The following MCC variants were observed in gnomAD, a reference collection of about 807,000 sequenced individuals.
MCC encodes MCC regulator of Wnt signaling pathway.
Under a neutral mutation model 116.2 loss-of-function variants are expected in MCC, and 90 were observed. The observed-to-expected ratio is 0.77, with a 90% CI of 0.65 to 0.92. The LOEUF (loss-of-function observed/expected upper bound fraction) is 0.92. Among genes scored for constraint, MCC ranks in the 40% least tolerant of loss-of-function variants. The probability of loss-of-function intolerance (pLI) is 0.00; values close to 1 mark genes in which losing one functional copy is unlikely to be tolerated. For missense variants in MCC, 1,516 were observed against 1,312.2 expected (o/e 1.16, Z -2.40); for synonymous variants, 578 against 510.5 (o/e 1.13, Z -1.78).
chr5:113,242,697 C>T (rs372254009), intron 3 of MCC, among the ~76,000 whole-genome samples: 11 of 152,042 alleles, frequency 7.2e-5, no homozygotes, highest in Non-Finnish European at 1.3e-4. Flanking sequence ...AGGAACATGA[C>T]CACACGGGGG....
At chr5:113,162,445 A>C (rs977714861) in intron 3 of MCC, among the ~76,000 whole-genome samples, 1 of 152,184 alleles carries the variant, frequency 6.6e-6, no homozygotes, top group African/African-American at 2.4e-5. Context: ...CAGGCAAATC[A>C]CTTAACCACA....
chr5:113,330,880 G>A (rs1767681588), intron 3 of MCC, among the ~76,000 whole-genome samples: 1 of 152,204 alleles, frequency 6.6e-6, no homozygotes, highest in South Asian at 2.1e-4. Flanking sequence ...TCAATTATTA[G>A]GAGAGTGATA....
chr5:113,158,174 T>C (rs1413239402), intron 3 of MCC, among the ~76,000 whole-genome samples: 1 of 152,266 alleles, frequency 6.6e-6, no homozygotes, highest in African/African-American at 2.4e-5. Context: ...AGACTGCAGT[T>C]GACTGCAAGT....
chr5:113,145,143 C>T (rs1390637195), intron 4 of MCC, among the ~76,000 whole-genome samples: 1 of 152,234 alleles, frequency 6.6e-6, no homozygotes, highest in Non-Finnish European at 1.5e-5. Context: ...GAACACTGTT[C>T]CTCTCAGACC....
intron 3 of MCC, among the ~76,000 whole-genome samples, chr5:113,184,407 AACTTT>A (rs1176029898): frequency 6.6e-6 from 1 of 151,870 alleles, no homozygotes; most frequent in Non-Finnish European, 1.5e-5. Flanking sequence ...CAACTTGTAA[AACTTT>A]ACTTTGCTGA....
At chr5:113,345,281 C>T (rs1430385341) in intron 2 of MCC, among the ~76,000 whole-genome samples, 1 of 151,216 alleles carries the variant, frequency 6.6e-6, no homozygotes, top group African/African-American at 2.4e-5. Flanking sequence ...TTTTTTTTTA[C>T]TCCAATCCCT....
At chr5:113,050,457 G>C (rs10054158) in intron 15 of MCC, among the ~76,000 whole-genome samples, 76,570 of 151,970 alleles carry the variant, frequency 0.5, 19,578 homozygotes, top group East Asian at 0.61. Flanking sequence ...AGTTGGACTA[G>C]GGGGTAGATG....
At chr5:113,123,144 T>C (rs930987159) in intron 5 of MCC, among the ~76,000 whole-genome samples, 2 of 152,154 alleles carry the variant, frequency 1.3e-5, no homozygotes, top group African/African-American at 4.8e-5. Context: ...CCGAGGAGAA[T>C]AAGAACTAAG....
At chr5:113,115,977 G>T (rs1308551578) in intron 6 of MCC, among the ~76,000 whole-genome samples, 1 of 152,152 alleles carries the variant, frequency 6.6e-6, no homozygotes, top group East Asian at 1.9e-4. Flanking sequence ...CCTTCACTGT[G>T]CCTCCATGGC....
chr5:113,191,927 A>C (rs1383534821), intron 3 of MCC, among the ~76,000 whole-genome samples: 3 of 152,182 alleles, frequency 2.0e-5, no homozygotes, highest in South Asian at 2.1e-4. Flanking sequence ...TGCATGTGCT[A>C]AGTACTGTAC....
rs376406149 is a variant in MCC, at chr5:113,099,346, A to ATG, written c.1398+2391_1398+2392dup. Reference sequence around the variant, plus strand: ...AATGTGTCTATGTGTGCAGGCCTGTATGTGTGTGTGTGTAATTATCCAATG... The same window carrying ATG: ...AATGTGTCTATGTGTGCAGGCCTGTATGTGTGTGTGTGTGTAATTATCCAATG... On this transcript the variant is annotated intron_variant, in intron 8 of 18. Transcript: ENST00000408903. Among the ~76,000 whole-genome samples the ATG allele has an allele frequency of 1.7e-3, 257 of 152,154 alleles. 1 individual carries two copies. The highest frequency in any genetic ancestry group is 5.4e-3 in the African/African-American group (224 of 41,540).
intron 1 of MCC, among the ~76,000 whole-genome samples, chr5:113,468,982 A>G (rs1728607568): frequency 6.6e-6 from 1 of 152,218 alleles, no homozygotes; most frequent in Admixed American, 6.5e-5. Flanking sequence ...AGGTGTTTAT[A>G]GTACTCTCTG....
In MCC at chr5:113,420,305, C is replaced by T. The variant is rs983795535; in HGVS notation, c.171-35093G>A. ...ACAACAGCACCAAAAACAAGTTAGACGCAAAGAATAACAATTAAAAGGAAA... is the reference window on the plus strand; with the variant it reads ...ACAACAGCACCAAAAACAAGTTAGATGCAAAGAATAACAATTAAAAGGAAA... On this transcript the variant is annotated intron_variant, in intron 1 of 18. Transcript: ENST00000408903. 4.6e-5 allele frequency among the ~76,000 whole-genome samples: 7 copies of T among 151,696 alleles called. No individual in the cohort carries two copies. The South Asian group carries it at 6.2e-4, about 14-fold the overall frequency.
At position 113,292,918 on chromosome 5, in the gene MCC, G is replaced by A. The variant is rs189945687; in HGVS notation, c.627+47601C>T. ...TGGGTTCTAGTTCAGATTTGAGACC[G>A]TTAATTATAAAATTGGCAAAAGTCA... On this transcript the variant is annotated intron_variant, in intron 3 of 18. Coordinates refer to ENST00000408903, the MANE Select transcript of MCC (RefSeq NM_001085377.2). Among the ~76,000 whole-genome samples the A allele has an allele frequency of 1.9e-3, 291 of 152,238 alleles. 4 individuals are homozygous for A. The highest frequency in any genetic ancestry group is 2.7e-3 in the Non-Finnish European group (181 of 68,014).
At chr5:113,183,903 C>T in intron 3 of MCC, among the ~76,000 whole-genome samples, 1 of 151,530 alleles carries the variant, frequency 6.6e-6, no homozygotes, top group Non-Finnish European at 1.5e-5. Flanking sequence ...CCCTCCTCTG[C>T]CCGCCCCCAC....
intron 11 of MCC, among the ~76,000 whole-genome samples, chr5:113,077,493 T>A (rs923610836): frequency 1.3e-5 from 2 of 152,160 alleles, no homozygotes; most frequent in Non-Finnish European, 2.9e-5. Context: ...GAACTCAGGA[T>A]TAAGAAACTC....
At position 113,432,519 on chromosome 5, in the gene MCC, G is replaced by A. The variant is rs1315244850; in HGVS notation, c.171-47307C>T. On this transcript the variant is annotated intron_variant, in intron 1 of 18. Transcript: ENST00000408903. ...AATAGGACCCCTCCCATAGGGTTAT[G>A]AGAACTAAACACATTAATGAATAGC... The A allele has an allele frequency of 2.0e-5, 3 of 152,158 alleles. No homozygotes were observed. In the Middle Eastern group the frequency reaches 0.01, roughly 518 times the overall value. The allele number at this position is 152,158 out of a possible 1,614,324, so 9.4% of individuals were successfully genotyped here. A position where few individuals can be genotyped will look rare whatever the true frequency, so the allele number is the denominator to read the frequency against.
chr5:113,269,183 C>T (rs180686861), intron 3 of MCC: 5 of 985,400 alleles, frequency 5.1e-6, no homozygotes, highest in Non-Finnish European at 1.2e-6. Flanking sequence ...ACCCATGGAA[C>T]ACCAGCAGGC....
chr5:113,394,975 C>A (rs560823858), intron 1 of MCC, among the ~76,000 whole-genome samples: 1 of 152,132 alleles, frequency 6.6e-6, no homozygotes, highest in Non-Finnish European at 1.5e-5. Context: ...GTGACAGAGA[C>A]CATATGGCCC....
Sources: gnomAD v4.1 joint callset for allele counts (sites outside exome capture counted in the v4.1 genomes callset) on GRCh38, gnomAD v4.1.1 for gene constraint, MANE v1.5 for transcripts, NCBI Gene and HGNC (gene_info 2026-07-23, HGNC 2026-07-21) for gene names.